The following EXPH5 variants were observed in gnomAD, a reference collection of about 807,000 sequenced individuals.
EXPH5 encodes exophilin 5, also known as exophilin-5.
A neutral mutation model predicts 41.1 loss-of-function variants in EXPH5; 42 were observed. The ratio of observed to expected loss-of-function variants is 1.02; its 90% confidence interval spans 0.80 to 1.32. The LOEUF (loss-of-function observed/expected upper bound fraction) is 1.32. Among genes scored for constraint, EXPH5 ranks in the 40% most tolerant of loss-of-function variants. The probability of loss-of-function intolerance (pLI) is 0.00; values close to 1 mark genes in which losing one functional copy is unlikely to be tolerated. For missense variants in EXPH5, 2,298 were observed against 2,314.5 expected (o/e 0.99, Z 0.15); for synonymous variants, 798 against 833.5 (o/e 0.96, Z 0.73).
chr11:108,511,430 C>G lies in EXPH5; in HGVS notation c.4077G>C (p.Glu1359Asp). 6.3e-7 allele frequency: 1 copy of G among 1,590,546 alleles called. No homozygotes were observed. Among genetic ancestry groups the G allele is most frequent in the Non-Finnish European group, 8.5e-7 (1 of 1,171,064 alleles). The change falls in exon 6 of 6, where the codon GAG becomes GAC. Residue 1359 changes from glutamate to aspartate, a missense_variant. Coordinates refer to ENST00000265843, the MANE Select transcript of EXPH5 (RefSeq NM_015065.3). ...AAAAAATCTCTCTAGCTTTAGATTC[C>G]TCTTCAGGAAGAGAAACAGCTGCCT... ...SVEAAVSLPE[E>D]ESKAREIFSD...
At chr11:108,527,430 A>G (rs896744419) in intron 4 of EXPH5, among the ~76,000 whole-genome samples, 1 of 152,132 alleles carries the variant, frequency 6.6e-6, no homozygotes, top group Non-Finnish European at 1.5e-5. Flanking sequence ...AGAAAAAGGG[A>G]GGACCCAGTA....
intron 1 of EXPH5, among the ~76,000 whole-genome samples, chr11:108,563,351 C>T (rs536566814): frequency 1.5e-4 from 23 of 152,246 alleles, no homozygotes; most frequent in African/African-American, 5.1e-4. Context: ...GACTGTGTCC[C>T]GTGGAGAAGA....
At chr11:108,581,522 T>C (rs2094098193) in intron 1 of EXPH5, among the ~76,000 whole-genome samples, 1 of 151,938 alleles carries the variant, frequency 6.6e-6, no homozygotes, top group Non-Finnish European at 1.5e-5. Context: ...AAAATTAAAA[T>C]AATGTAAAAA....
At chr11:108,517,481 C>A (rs1363396992) in intron 5 of EXPH5, among the ~76,000 whole-genome samples, 1 of 152,214 alleles carries the variant, frequency 6.6e-6, no homozygotes, top group South Asian at 2.1e-4. Flanking sequence ...TGAAGTTCCT[C>A]AAAGTGAAGC....
chr11:108,571,070 A>C (rs2094058246), intron 1 of EXPH5, among the ~76,000 whole-genome samples: 1 of 152,212 alleles, frequency 6.6e-6, no homozygotes, highest in African/African-American at 2.4e-5. Flanking sequence ...TCTAAGGAAG[A>C]AGCTGGAGCC....
chr11:108,597,284 G>A (rs1395010262), upstream of EXPH5, among the ~76,000 whole-genome samples: 4 of 152,108 alleles, frequency 2.6e-5, no homozygotes, highest in East Asian at 1.9e-4. Context: ...TGCAATCTCC[G>A]CCTCCAGGGT....
chr11:108,588,247 A>G (rs1363467876), intron 1 of EXPH5, among the ~76,000 whole-genome samples: 1 of 152,216 alleles, frequency 6.6e-6, no homozygotes, highest in Non-Finnish European at 1.5e-5. Flanking sequence ...TTATCTTCCC[A>G]TACCCATTAT....
the EXPH5 span, among the ~76,000 whole-genome samples, chr11:108,599,149 C>T: frequency 6.6e-6 from 1 of 152,100 alleles, no homozygotes; most frequent in Non-Finnish European, 1.5e-5. Flanking sequence ...CAGATGTTAC[C>T]TCTTCTCTCC....
At chr11:108,560,165 A>G (rs1335500672) in intron 1 of EXPH5, among the ~76,000 whole-genome samples, 1 of 152,166 alleles carries the variant, frequency 6.6e-6, no homozygotes, top group Non-Finnish European at 1.5e-5. Flanking sequence ...CCATGAATCT[A>G]CTGCTCTTGG....
At chr11:108,523,334 C>T (rs2093777435) in intron 4 of EXPH5, among the ~76,000 whole-genome samples, 1 of 152,154 alleles carries the variant, frequency 6.6e-6, no homozygotes, top group Non-Finnish European at 1.5e-5. Context: ...AAGTGCCTTA[C>T]TGAAGTCACA....
At chr11:108,570,231 T>G (rs1195544519) in intron 1 of EXPH5, among the ~76,000 whole-genome samples, 1 of 151,750 alleles carries the variant, frequency 6.6e-6, no homozygotes, top group Non-Finnish European at 1.5e-5. Flanking sequence ...TTTTTAATTT[T>G]TATTATTTTA....
At chr11:108,585,925 A>ATTAT (rs1417441147) in intron 1 of EXPH5, among the ~76,000 whole-genome samples, 3 of 152,288 alleles carry the variant, frequency 2.0e-5, no homozygotes, top group Non-Finnish European at 4.4e-5. Flanking sequence ...AAAGGAATGA[A>ATTAT]TTATTTATTT....
intron 4 of EXPH5, among the ~76,000 whole-genome samples, chr11:108,522,303 ATAT>A (rs921631779): frequency 2.0e-5 from 3 of 151,982 alleles, no homozygotes; most frequent in African/African-American, 4.8e-5. Context: ...TATGTGTGAG[ATAT>A]TATTATTATT....
Position 108,509,697 on chromosome 11 carries a change from C to A in EXPH5, c.5810G>T (p.Ser1937Ile). The A allele has an allele frequency of 6.2e-7, 1 of 1,613,180 alleles. No individual in the cohort carries two copies. Among genetic ancestry groups the A allele is most frequent in the Non-Finnish European group, 8.5e-7 (1 of 1,179,674 alleles). Residue 1937 changes from serine (S) to isoleucine (I), a missense_variant, in exon 6 of 6, where the codon AGC becomes ATC. By Grantham distance (142) the Ser-to-Ile change is moderately radical (BLOSUM62 -2). Transcript: ENST00000265843. ...CACCTGACTACTGGGAGAATTTGAG[C>A]TTAATGACTCTGAGGGGTTGGGAGG... ...RNPPNPSESL[S>I]SNSPSSQVPE...
chr11:108,574,600 C>G (rs1361796597), intron 1 of EXPH5, among the ~76,000 whole-genome samples: 1 of 152,192 alleles, frequency 6.6e-6, no homozygotes, highest in Non-Finnish European at 1.5e-5. Flanking sequence ...TTTCCCTCAA[C>G]TCCCCTCCTT....
chr11:108,512,785 T>C lies in EXPH5; in HGVS notation c.2722A>G (p.Arg908Gly), dbSNP rs1256596757. Reference protein sequence around the residue: ...PVVPSTTVFSRRSPSDKDPSL... With the variant: ...PVVPSTTVFSGRSPSDKDPSL... ...GGATCTTTGTCTGAAGGACTTCTCCTGGAGAACACTGTAGTAGATGGAACC... is the reference window on the plus strand; with the variant it reads ...GGATCTTTGTCTGAAGGACTTCTCCCGGAGAACACTGTAGTAGATGGAACC... Residue 908 changes from arginine (R) to glycine (G), a missense_variant, in exon 6 of 6, where the codon AGG becomes GGG. Physicochemically the swap from Arg to Gly is moderately radical, Grantham distance 125 (BLOSUM62 -2). Transcript: ENST00000265843. The C allele has an allele frequency of 2.5e-6, 4 of 1,614,000 alleles. No homozygotes were observed. Among genetic ancestry groups the C allele is most frequent in the Non-Finnish European group, 3.4e-6 (4 of 1,179,996 alleles).
chr11:108,585,824 T>C (rs2094111312), intron 1 of EXPH5, among the ~76,000 whole-genome samples: 1 of 152,252 alleles, frequency 6.6e-6, no homozygotes. Flanking sequence ...CATCAAAATG[T>C]GTAAACAAAA....
At chr11:108,569,216 C>A (rs1053366302) in intron 1 of EXPH5, among the ~76,000 whole-genome samples, 1 of 152,172 alleles carries the variant, frequency 6.6e-6, no homozygotes, top group Admixed American at 6.5e-5. Flanking sequence ...AGTTCAGGCA[C>A]CACCACCTCC....
chr11:108,564,414 C>G (rs7104155), intron 1 of EXPH5, among the ~76,000 whole-genome samples: 3,101 of 147,930 alleles, frequency 0.021, 95 homozygotes, highest in African/African-American at 0.078. Context: ...ATGCTCTTAC[C>G]CTATGCATGC....
Sources: allele counts gnomAD v4.1 joint callset (sites outside exome capture counted in the v4.1 genomes callset), GRCh38; gene constraint gnomAD v4.1.1; transcripts MANE v1.5; gene names NCBI Gene and HGNC (gene_info 2026-07-23, HGNC 2026-07-21).